The following CAMK1D variants were observed in gnomAD, a reference collection of about 807,000 sequenced individuals.
The protein encoded by CAMK1D is calcium/calmodulin-dependent protein kinase type 1D.
CAMK1D carries 9 observed loss-of-function variants against 47.7 expected under a neutral mutation model. The observed-to-expected ratio is 0.19, with a 90% confidence interval of 0.11 to 0.33. The LOEUF (loss-of-function observed/expected upper bound fraction) is 0.33. Ranked by LOEUF, CAMK1D falls within the 10% of genes least tolerant of loss-of-function variation. The pLI is 1.00. For synonymous variants in CAMK1D, 184 were observed against 184.9 expected (o/e 0.99, Z 0.04); for missense variants, 291 against 488.7 (o/e 0.60, Z 3.81).
intron 1 of CAMK1D, among the ~76,000 whole-genome samples, chr10:12,445,901 G>A (rs1243253405): frequency 2.0e-5 from 3 of 151,750 alleles, no homozygotes; most frequent in South Asian, 2.1e-4. Context: ...ACATGTTGGC[G>A]TTTTTTTTCT....
chr10:12,506,108 C>G (rs1186995788), intron 1 of CAMK1D, among the ~76,000 whole-genome samples: 2 of 152,122 alleles, frequency 1.3e-5, no homozygotes, highest in Non-Finnish European at 2.9e-5. Flanking sequence ...CCTGAGGTTG[C>G]TGTGAGGATC....
At chr10:12,460,921 C>T (rs1355425515) in intron 1 of CAMK1D, among the ~76,000 whole-genome samples, 2 of 152,136 alleles carry the variant, frequency 1.3e-5, no homozygotes, top group Non-Finnish European at 2.9e-5. Context: ...CTAGCTGATT[C>T]AGAGCTTTGT....
At chr10:12,551,013 G>A (rs1836559155) in intron 1 of CAMK1D, among the ~76,000 whole-genome samples, 1 of 152,168 alleles carries the variant, frequency 6.6e-6, no homozygotes, top group Non-Finnish European at 1.5e-5. Flanking sequence ...GAGGAGGAAG[G>A]GTGTTCCCCC....
chr10:12,724,149 G>T (rs1040714784), intron 3 of CAMK1D, among the ~76,000 whole-genome samples: 1 of 152,128 alleles, frequency 6.6e-6, no homozygotes, highest in South Asian at 2.1e-4. Flanking sequence ...CCACCATGCC[G>T]GGCCAAATTT....
Position 12,833,973 on chromosome 10 carries a change from T to A in CAMK1D, c.*5086T>A, listed in dbSNP as rs1833463392. The A allele has an allele frequency of 6.6e-6, 1 of 151,918 alleles. No individual in the cohort carries two copies. The highest frequency in any genetic ancestry group is 2.4e-5 in the African/African-American group (1 of 41,430). The allele number at this position is 151,918 out of a possible 1,614,324, so 9.4% of individuals were successfully genotyped here. A position where few individuals can be genotyped will look rare whatever the true frequency, so the allele number is the denominator to read the frequency against. On this transcript the variant is annotated 3_prime_UTR_variant, in exon 11 of 11. Transcript: ENST00000619168. ...ACCTGTATGTGATCCACCACCCTTTTGAGGGGCACCTGGTCCTCGGTTGGG... is the reference window on the plus strand; with the variant it reads ...ACCTGTATGTGATCCACCACCCTTTAGAGGGGCACCTGGTCCTCGGTTGGG...
At chr10:12,703,147 G>A (rs1320035320) in intron 3 of CAMK1D, among the ~76,000 whole-genome samples, 3 of 152,256 alleles carry the variant, frequency 2.0e-5, no homozygotes, top group South Asian at 4.2e-4. Flanking sequence ...AAATACACCC[G>A]GGATTTTTCT....
intron 1 of CAMK1D, among the ~76,000 whole-genome samples, chr10:12,410,735 G>C (rs923140607): frequency 2.0e-5 from 3 of 152,170 alleles, no homozygotes; most frequent in African/African-American, 7.2e-5. Flanking sequence ...TAGCAGGAAT[G>C]ACACACGTTT....
intron 1 of CAMK1D, among the ~76,000 whole-genome samples, chr10:12,490,749 G>A (rs12782690): frequency 0.19 from 28,605 of 152,142 alleles, 3,312 homozygotes; most frequent in Non-Finnish European, 0.27. Flanking sequence ...GGAGGCTGAG[G>A]CAGGAGAATC....
chr10:12,350,865 C>G (rs960224374), intron 1 of CAMK1D, among the ~76,000 whole-genome samples: 2 of 152,192 alleles, frequency 1.3e-5, no homozygotes, highest in African/African-American at 4.8e-5. Flanking sequence ...TGTGGATTCA[C>G]GCACAGGTGT....
intron 1 of CAMK1D, among the ~76,000 whole-genome samples, chr10:12,388,598 C>G (rs568545531): frequency 6.6e-6 from 1 of 152,166 alleles, no homozygotes; most frequent in Non-Finnish European, 1.5e-5. Context: ...GAAAACATAC[C>G]TGTCTGCTAA....
intron 1 of CAMK1D, among the ~76,000 whole-genome samples, chr10:12,474,074 A>C (rs987434327): frequency 6.6e-6 from 1 of 152,116 alleles, no homozygotes; most frequent in Admixed American, 6.5e-5. Flanking sequence ...TTCTGGGTCC[A>C]GTGGGAGGCT....
At chr10:12,690,853 G>A (rs540582819) in intron 3 of CAMK1D, among the ~76,000 whole-genome samples, 16 of 152,164 alleles carry the variant, frequency 1.1e-4, no homozygotes, top group African/African-American at 3.6e-4. Context: ...TTAGTAGCTG[G>A]TTTCTGTTTG....
intron 1 of CAMK1D, among the ~76,000 whole-genome samples, chr10:12,365,659 CGATCTGCTGACCTCGT>C (rs969587853): frequency 2.6e-5 from 4 of 151,730 alleles, no homozygotes; most frequent in Admixed American, 1.3e-4. Flanking sequence ...AGGATGGTCT[CGATCTGCTGACCTCGT>C]GATCTGCCTG....
At chr10:12,827,836 G>A (rs959705689) in intron 10 of CAMK1D, among the ~76,000 whole-genome samples, 3 of 151,964 alleles carry the variant, frequency 2.0e-5, no homozygotes, top group African/African-American at 7.3e-5. Context: ...CAACAGGCAT[G>A]TACCACCGTG....
At chr10:12,596,094 A>T (rs1358370914) in intron 2 of CAMK1D, among the ~76,000 whole-genome samples, 2 of 152,114 alleles carry the variant, frequency 1.3e-5, no homozygotes, top group African/African-American at 4.8e-5. Context: ...CTAAAAAGGG[A>T]CATAGCCCAG....
intron 5 of CAMK1D, among the ~76,000 whole-genome samples, chr10:12,790,676 G>A (rs1432469158): frequency 6.6e-6 from 1 of 151,610 alleles, no homozygotes; most frequent in Non-Finnish European, 1.5e-5. Context: ...ATATACTGTA[G>A]CGTCTTCATA....
intron 1 of CAMK1D, among the ~76,000 whole-genome samples, chr10:12,359,335 C>T (rs1022123323): frequency 6.6e-6 from 1 of 152,204 alleles, no homozygotes; most frequent in Non-Finnish European, 1.5e-5. Context: ...CCCTCAGAGG[C>T]CATTTCCACA....
intron 6 of CAMK1D, among the ~76,000 whole-genome samples, chr10:12,801,391 T>TATCTATCCATCCATCTATCC (rs1242051924): frequency 6.9e-6 from 1 of 145,356 alleles, no homozygotes; most frequent in Admixed American, 6.9e-5. Flanking sequence ...TCTATCTATC[T>TATCTATCCATCCATCTATCC]ATCCATCCAT....
At chr10:12,469,128 G>C (rs140659414) in intron 1 of CAMK1D, among the ~76,000 whole-genome samples, 145 of 152,200 alleles carry the variant, frequency 9.5e-4, no homozygotes, top group African/African-American at 3.3e-3. Context: ...GAGGGGGGCG[G>C]TGCTGTGTAG....
Sources: gnomAD v4.1 joint callset for allele counts (sites outside exome capture counted in the v4.1 genomes callset) on GRCh38, gnomAD v4.1.1 for gene constraint, MANE v1.5 for transcripts, NCBI Gene and HGNC (gene_info 2026-07-23, HGNC 2026-07-21) for gene names.